The following GRM7 variants were observed in gnomAD, a reference collection of about 807,000 sequenced individuals.
GRM7 encodes the protein metabotropic glutamate receptor 7.
A neutral mutation model predicts 84.5 loss-of-function variants in GRM7; 35 were observed. The ratio of observed to expected loss-of-function variants is 0.41; its 90% CI spans 0.32 to 0.55. The LOEUF (loss-of-function observed/expected upper bound fraction) is 0.55. Ranked by LOEUF, GRM7 falls within the 20% of genes least tolerant of loss-of-function variation. GRM7 has a pLI of 0.19. For synonymous variants in GRM7, 487 were observed against 455.1 expected, an observed-to-expected ratio of 1.07 and a Z score of -0.89; for missense variants, 1,003 against 1,194.6, an observed-to-expected ratio of 0.84 and a Z score of 2.36.
intron 1 of GRM7, among the ~76,000 whole-genome samples, chr3:7,129,039 C>T (rs948968963): frequency 9.9e-5 from 15 of 152,128 alleles, no homozygotes; most frequent in East Asian, 1.9e-4. Context: ...TGCACATTCA[C>T]GGATGTTCAT....
chr3:7,013,436 A>G (rs1695453965), intron 1 of GRM7, among the ~76,000 whole-genome samples: 1 of 152,202 alleles, frequency 6.6e-6, no homozygotes, highest in African/African-American at 2.4e-5. Flanking sequence ...TTTATCCATA[A>G]TAATTTCAGT....
chr3:6,999,784 G>A (rs1295143935), intron 1 of GRM7, among the ~76,000 whole-genome samples: 5 of 152,188 alleles, frequency 3.3e-5, no homozygotes, highest in East Asian at 1.9e-4. Flanking sequence ...TCACTATCAC[G>A]AGAACAGCAT....
chr3:7,721,416 G>A (rs1239528537), intron 9 of GRM7, among the ~76,000 whole-genome samples: 1 of 152,228 alleles, frequency 6.6e-6, no homozygotes, highest in Non-Finnish European at 1.5e-5. Flanking sequence ...GGCTCAATGT[G>A]TATGTACAGA....
At chr3:7,145,878 G>T (rs751537745) in intron 1 of GRM7, among the ~76,000 whole-genome samples, 1 of 152,170 alleles carries the variant, frequency 6.6e-6, no homozygotes, top group Admixed American at 6.5e-5. Flanking sequence ...TGCCAAGGGG[G>T]TGGGGAATTT....
chr3:7,707,100 G>A (rs1250560629), intron 9 of GRM7, among the ~76,000 whole-genome samples: 1 of 152,108 alleles, frequency 6.6e-6, no homozygotes, highest in East Asian at 1.9e-4. Flanking sequence ...CTCATAATAA[G>A]CAGCTTAAAT....
At chr3:7,178,543 G>A (rs1343997869) in intron 2 of GRM7, among the ~76,000 whole-genome samples, 1 of 152,066 alleles carries the variant, frequency 6.6e-6, no homozygotes, top group African/African-American at 2.4e-5. Context: ...AAGCTGTTTG[G>A]TTTGTATAGG....
chr3:7,038,758 G>A (rs1696479910), intron 1 of GRM7, among the ~76,000 whole-genome samples: 1 of 152,140 alleles, frequency 6.6e-6, no homozygotes, highest in Non-Finnish European at 1.5e-5. Flanking sequence ...TTATTTTACT[G>A]ATGAGGAAGC....
chr3:7,104,151 C>G (rs111916154), intron 1 of GRM7, among the ~76,000 whole-genome samples: 7 of 151,614 alleles, frequency 4.6e-5, no homozygotes, highest in African/African-American at 1.7e-4. Context: ...TTCTCTCTCT[C>G]TCTTTCTCTT....
chr3:7,225,524 A>G (rs192600151), intron 2 of GRM7, among the ~76,000 whole-genome samples: 44 of 147,738 alleles, frequency 3.0e-4, no homozygotes, highest in African/African-American at 8.1e-4. Flanking sequence ...CCATATAGCT[A>G]TAATAAGAAA....
chr3:7,224,070 G>A (rs1239025992), intron 2 of GRM7, among the ~76,000 whole-genome samples: 1 of 152,056 alleles, frequency 6.6e-6, no homozygotes, highest in Admixed American at 6.6e-5. Context: ...ATCCAACTTG[G>A]TATTAGTCCA....
intron 4 of GRM7, among the ~76,000 whole-genome samples, chr3:7,389,258 A>G (rs947448551): frequency 2.0e-5 from 3 of 152,038 alleles, no homozygotes; most frequent in Non-Finnish European, 4.4e-5. Flanking sequence ...TGGGATTTTG[A>G]TTTTTTGAAC....
chr3:7,157,947 G>C (rs1204940644), intron 2 of GRM7, among the ~76,000 whole-genome samples: 1 of 152,094 alleles, frequency 6.6e-6, no homozygotes, highest in African/African-American at 2.4e-5. Flanking sequence ...CGCACGCTGG[G>C]ATAAGGATGA....
chr3:7,066,871 C>T (rs73112862), intron 1 of GRM7, among the ~76,000 whole-genome samples: 18,525 of 151,838 alleles, frequency 0.12, 1,666 homozygotes, highest in African/African-American at 0.25. Flanking sequence ...ATTTAACATA[C>T]GCAAGTCAGT....
chr3:6,970,779 A>C (rs1401785127), intron 1 of GRM7, among the ~76,000 whole-genome samples: 1 of 152,186 alleles, frequency 6.6e-6, no homozygotes, highest in African/African-American at 2.4e-5. Context: ...GGAGATCGAG[A>C]CCATCCTGGC....
intron 7 of GRM7, among the ~76,000 whole-genome samples, chr3:7,500,900 C>G (rs538317354): frequency 3.3e-5 from 5 of 152,316 alleles, no homozygotes; most frequent in African/African-American, 9.6e-5. Flanking sequence ...ACTTCCGAAT[C>G]CAGATATCCC....
chr3:6,940,672 C>T (rs897186394), intron 1 of GRM7, among the ~76,000 whole-genome samples: 31 of 126,100 alleles, frequency 2.5e-4, no homozygotes, highest in African/African-American at 7.8e-4. Context: ...AAATTCAATC[C>T]AAGTTTGTTT....
chr3:7,063,867 G>T (rs1403640095), intron 1 of GRM7, among the ~76,000 whole-genome samples: 1 of 151,590 alleles, frequency 6.6e-6, no homozygotes, highest in Non-Finnish European at 1.5e-5. Context: ...AACAGAAGCT[G>T]TCCATAGTGG....
intron 9 of GRM7, among the ~76,000 whole-genome samples, chr3:7,705,828 G>A (rs1701368602): frequency 6.6e-6 from 1 of 152,174 alleles, no homozygotes; most frequent in African/African-American, 2.4e-5. Flanking sequence ...TATTCTAAGA[G>A]CATTGGGAGG....
intron 2 of GRM7, among the ~76,000 whole-genome samples, chr3:7,200,506 T>G (rs2125113109): frequency 6.6e-6 from 1 of 152,334 alleles, no homozygotes; most frequent in Middle Eastern, 3.4e-3. Flanking sequence ...AGTTTCTGAT[T>G]TCTAACAAGC....
Sources: gnomAD v4.1 joint callset for allele counts (sites outside exome capture counted in the v4.1 genomes callset) on GRCh38, gnomAD v4.1.1 for gene constraint, MANE v1.5 for transcripts, NCBI Gene and HGNC (gene_info 2026-07-23, HGNC 2026-07-21) for gene names.